The following SPPL2B variants were observed in gnomAD, a reference collection of about 807,000 sequenced individuals.
SPPL2B encodes the protein signal peptide peptidase like 2B.
In SPPL2B, 39 loss-of-function variants were observed where a neutral mutation model predicts 59.7. The ratio of observed to expected loss-of-function variants is 0.65; its 90% CI spans 0.51 to 0.85. The LOEUF is 0.85. Ranked by LOEUF, SPPL2B falls within the 40% of genes least tolerant of loss-of-function variation. SPPL2B has a pLI of 0.00. For missense variants in SPPL2B, 865 were observed against 849.0 expected, an observed-to-expected ratio of 1.02 and a Z score of -0.23; for synonymous variants, 419 against 370.8, an observed-to-expected ratio of 1.13 and a Z score of -1.49.
chr19:2,348,264 A>G (rs1434746136), intron 13 of SPPL2B, among the ~76,000 whole-genome samples: 12 of 79,064 alleles, frequency 1.5e-4, no homozygotes, highest in African/African-American at 4.6e-4. Flanking sequence ...ACACTCACGC[A>G]CTCTTATTCG....
At chr19:2,346,108 C>T (rs538843016) in intron 13 of SPPL2B, among the ~76,000 whole-genome samples, 2 of 152,380 alleles carry the variant, frequency 1.3e-5, no homozygotes, top group South Asian at 4.1e-4. Flanking sequence ...TGTTGACCCA[C>T]ATTGTTTTGA....
intron 14 of SPPL2B, 33 bp from the exon 15 acceptor site, chr19:2,352,913 C>G (rs1432806959): frequency 1.2e-6 from 2 of 1,610,532 alleles, no homozygotes; most frequent in Non-Finnish European, 1.7e-6. Flanking sequence ...GGGTCCCTGT[C>G]TCCGCCTCAC....
chr19:2,338,689 CAG>C (rs1169353224), intron 3 of SPPL2B, 61 bp from the exon 4 acceptor site: 25 of 1,202,274 alleles, frequency 2.1e-5, no homozygotes, highest in Non-Finnish European at 1.6e-5. Flanking sequence ...CGAATGGGCA[CAG>C]AGCTGGGGGC....
At position 2,343,952 on chromosome 19, in the gene SPPL2B, G is replaced by T; in HGVS notation, c.1039-13G>T. The T allele has an allele frequency of 6.5e-7, 1 of 1,546,336 alleles. No individual in the cohort carries two copies. On this transcript the variant is annotated splice_polypyrimidine_tract_variant and intron_variant, in intron 9 of 14. Coordinates refer to ENST00000613503, the MANE Select transcript of SPPL2B (RefSeq NM_152988.3). ...GCCGGGGTGGGGGCCGCCCTCAGCCGTGGGCTTCGCAGGCCTGCACGCTGC... is the reference window on the plus strand; with the variant it reads ...GCCGGGGTGGGGGCCGCCCTCAGCCTTGGGCTTCGCAGGCCTGCACGCTGC...
chr19:2,346,442 G>A (rs11084936), intron 13 of SPPL2B, among the ~76,000 whole-genome samples: 73,353 of 152,218 alleles, frequency 0.48, 19,943 homozygotes, highest in Non-Finnish European at 0.61. Flanking sequence ...GAAGTGGGAG[G>A]ATTGCTTGAG....
At chr19:2,350,737 A>G (rs138165250) in intron 13 of SPPL2B, among the ~76,000 whole-genome samples, 4 of 152,350 alleles carry the variant, frequency 2.6e-5, no homozygotes, top group Admixed American at 6.5e-5. Flanking sequence ...GTAGGAACCT[A>G]TGGTGATTTA....
At chr19:2,348,842 C>CT (rs1969679968) in intron 13 of SPPL2B, among the ~76,000 whole-genome samples, 1 of 36,716 alleles carries the variant, frequency 2.7e-5, no homozygotes, top group Non-Finnish European at 5.2e-5. Flanking sequence ...CCATTCTCTC[C>CT]CTCCACACAC....
Position 2,332,034 on chromosome 19 carries a change from A to T in SPPL2B, c.67-2568A>T, listed in dbSNP as rs1968317089. Among the ~76,000 whole-genome samples, 2 of 152,232 alleles carry T rather than the reference A, an allele frequency of 1.3e-5. No homozygotes were observed. The highest frequency in any genetic ancestry group is 4.1e-4 in the South Asian group (2 of 4,828). ...CGGGCTCGGCACCGGGGCCAGACTAAGGGGTGCTCTCACGGGCAGGCAGTC... is the reference window on the plus strand; with the variant it reads ...CGGGCTCGGCACCGGGGCCAGACTATGGGGTGCTCTCACGGGCAGGCAGTC... On this transcript the variant is annotated intron_variant, in intron 1 of 14. Coordinates refer to ENST00000613503, the MANE Select transcript of SPPL2B (RefSeq NM_152988.3). The surrounding 1 kb of genome is among the most constrained non-coding windows in gnomAD (Gnocchi z 4.6).
chr19:2,338,979 C>G, intron 4 of SPPL2B, 90 bp from the exon 5 acceptor site: 1 of 1,500,548 alleles, frequency 6.7e-7, no homozygotes, highest in African/African-American at 1.4e-5. Flanking sequence ...GCCAGGGTCT[C>G]CAGCCCCAGC....
intron 13 of SPPL2B, 126 bp downstream of exon 13, chr19:2,345,456 T>A: frequency 2.5e-6 from 2 of 795,496 alleles, no homozygotes; most frequent in Non-Finnish European, 4.2e-6. Flanking sequence ...TCTAACACCG[T>A]AACCATAACA....
intron 14 of SPPL2B, among the ~76,000 whole-genome samples, chr19:2,352,527 G>C (rs1969984450): frequency 6.6e-6 from 1 of 152,162 alleles, no homozygotes; most frequent in African/African-American, 2.4e-5. Flanking sequence ...TGGGCTCATG[G>C]GTCCCACAGA....
chr19:2,352,297 C>T (rs1323491263), intron 14 of SPPL2B, among the ~76,000 whole-genome samples: 4 of 152,268 alleles, frequency 2.6e-5, no homozygotes, highest in Non-Finnish European at 4.4e-5. Context: ...AGTCCATGAC[C>T]GCCCAGGGAG....
intron 1 of SPPL2B, among the ~76,000 whole-genome samples, chr19:2,329,258 A>G (rs1278051771): frequency 6.6e-6 from 1 of 152,176 alleles, no homozygotes; most frequent in Non-Finnish European, 1.5e-5. Context: ...AACTGGCAGC[A>G]TCCTGGAGCG....
intron 7 of SPPL2B, chr19:2,340,526 T>TG (rs755575030): frequency 5.1e-6 from 3 of 586,116 alleles, no homozygotes; most frequent in Non-Finnish European, 6.3e-6. Context: ...AGGGAGCTGC[T>TG]GGGGGGTCTC....
At chr19:2,340,006 C>G (rs1029323330) in intron 6 of SPPL2B, 40 bp downstream of exon 6, 4 of 1,553,090 alleles carry the variant, frequency 2.6e-6, no homozygotes, top group African/African-American at 2.7e-5. Flanking sequence ...CGTGGAGATG[C>G]AGCCCGCCCC....
chr19:2,339,515 G>A (rs980055237), intron 5 of SPPL2B, among the ~76,000 whole-genome samples: 1 of 152,186 alleles, frequency 6.6e-6, no homozygotes, highest in African/African-American at 2.4e-5. Context: ...TGAGCCGCCT[G>A]GGTCTGGGGA....
chr19:2,348,273 C>T (rs1445799106), intron 13 of SPPL2B, among the ~76,000 whole-genome samples: 1 of 116,332 alleles, frequency 8.6e-6, no homozygotes, highest in Non-Finnish European at 1.8e-5. Flanking sequence ...CACTCTTATT[C>T]GCCTGATTCC....
chr19:2,350,694 G>C (rs1175516882), intron 13 of SPPL2B, among the ~76,000 whole-genome samples: 1 of 152,270 alleles, frequency 6.6e-6, no homozygotes, highest in Non-Finnish European at 1.5e-5. Flanking sequence ...CCATGCGACA[G>C]CCATTGCCTG....
At chr19:2,334,948 C>T (rs113506482) in intron 2 of SPPL2B, among the ~76,000 whole-genome samples, 1 of 152,076 alleles carries the variant, frequency 6.6e-6, no homozygotes, top group African/African-American at 2.4e-5. Context: ...AGGCACCGGC[C>T]GAGCTCCATG....
Sources: allele counts gnomAD v4.1 joint callset (sites outside exome capture counted in the v4.1 genomes callset), GRCh38; gene constraint gnomAD v4.1.1; non-coding constraint Gnocchi (gnomAD v3.1); transcripts MANE v1.5; gene names NCBI Gene and HGNC (gene_info 2026-07-23, HGNC 2026-07-21).